LDLRAD3: variants seen among roughly 807,000 people sequenced by gnomAD.
LDLRAD3 encodes the protein low-density lipoprotein receptor class A domain-containing protein 3.
Under a neutral mutation model 29.4 loss-of-function variants are expected in LDLRAD3, and 20 were observed. The observed-to-expected ratio is 0.68, with a 90% CI of 0.48 to 0.99. The LOEUF is 0.99. Ranked by LOEUF, LDLRAD3 falls within the 50% of genes least tolerant of loss-of-function variation. The pLI, the probability that LDLRAD3 is intolerant of heterozygous loss-of-function variation, is 0.00. For missense variants in LDLRAD3, 420 were observed against 454.3 expected (o/e 0.92, Z 0.69); for synonymous variants, 157 against 192.7 (o/e 0.81, Z 1.53).
rs147182047 is a variant in LDLRAD3, at chr11:36,194,036, C to G, written c.455-33049C>G. Among the ~76,000 whole-genome samples, 691 of 152,278 alleles carry G rather than the reference C, an allele frequency of 4.5e-3. 16 individuals carry two copies. The highest frequency in any genetic ancestry group is 1.6e-3 in the Non-Finnish European group (106 of 68,030). ...CATGAGATTATTATTACATAAAGTT[C>G]TTAGTATCACATCTGGCATTTAGCT... is the stretch of plus-strand genomic sequence containing the variant. On this transcript the variant is annotated intron_variant, in intron 4 of 5. Coordinates refer to ENST00000315571, the MANE Select transcript of LDLRAD3 (RefSeq NM_174902.4).
At chr11:36,151,366 C>T (rs542870288) in intron 4 of LDLRAD3, among the ~76,000 whole-genome samples, 16 of 152,188 alleles carry the variant, frequency 1.1e-4, no homozygotes, top group African/African-American at 3.6e-4. Context: ...CCATTTACAT[C>T]GAATACAGAA....
At chr11:36,226,863 T>C (rs1165265758) in intron 4 of LDLRAD3, among the ~76,000 whole-genome samples, 1 of 152,242 alleles carries the variant, frequency 6.6e-6, no homozygotes, top group Non-Finnish European at 1.5e-5. Flanking sequence ...TATCAGTATT[T>C]ATTAACTTTT....
intron 1 of LDLRAD3, among the ~76,000 whole-genome samples, chr11:36,012,493 CTTCTTGTGCTT>C (rs1160736329): frequency 1.3e-5 from 2 of 151,782 alleles, no homozygotes; most frequent in South Asian, 2.1e-4. Context: ...CAGCATCACT[CTTCTTGTGCTT>C]TGGGGCCATT....
chr11:36,109,825 G>T (rs895821663), intron 4 of LDLRAD3: 1 of 151,426 alleles, frequency 6.6e-6, no homozygotes, highest in Non-Finnish European at 1.5e-5. Context: ...AGGGTGGTCA[G>T]TATTTACGCC....
chr11:35,969,172 C>A (rs1851381168), intron 1 of LDLRAD3, among the ~76,000 whole-genome samples: 1 of 152,178 alleles, frequency 6.6e-6, no homozygotes, highest in Non-Finnish European at 1.5e-5. Flanking sequence ...TCTGTCTTCT[C>A]GGTCGAGGTC....
At chr11:36,067,036 A>G (rs1243952807) in intron 2 of LDLRAD3, among the ~76,000 whole-genome samples, 4 of 151,942 alleles carry the variant, frequency 2.6e-5, no homozygotes, top group African/African-American at 9.7e-5. Context: ...ACCTGTTTCA[A>G]CTCTGAGCTT....
chr11:35,957,795 C>CAAAAAAAAA (rs1177748172), intron 1 of LDLRAD3, among the ~76,000 whole-genome samples: 2 of 79,246 alleles, frequency 2.5e-5, no homozygotes, highest in African/African-American at 4.4e-5. Context: ...GACCTTATCT[C>CAAAAAAAAA]AAAAAAAAAA....
intron 4 of LDLRAD3, among the ~76,000 whole-genome samples, chr11:36,120,483 G>A (rs1375101848): frequency 6.6e-6 from 1 of 152,048 alleles, no homozygotes. Flanking sequence ...TTTAAACCTT[G>A]TGAGATCTTA....
chr11:36,211,065 G>A (rs1257097901), intron 4 of LDLRAD3, among the ~76,000 whole-genome samples: 1 of 152,222 alleles, frequency 6.6e-6, no homozygotes, highest in African/African-American at 2.4e-5. Context: ...GTTCATTGTA[G>A]TATTGGTCTC....
chr11:36,202,558 A>G (rs1489689316), intron 4 of LDLRAD3, among the ~76,000 whole-genome samples: 1 of 152,216 alleles, frequency 6.6e-6, no homozygotes, highest in Non-Finnish European at 1.5e-5. Context: ...GATTTGAACC[A>G]CAGATCCTGA....
chr11:36,154,271 C>T (rs2133330705), intron 4 of LDLRAD3, among the ~76,000 whole-genome samples: 1 of 152,214 alleles, frequency 6.6e-6, no homozygotes, highest in Non-Finnish European at 1.5e-5. Context: ...AAGAATGTGC[C>T]CATGATACTA....
At chr11:36,054,448 A>G (rs1220441246) in intron 2 of LDLRAD3, among the ~76,000 whole-genome samples, 1 of 152,250 alleles carries the variant, frequency 6.6e-6, no homozygotes, top group African/African-American at 2.4e-5. Context: ...GCAAGGTAGA[A>G]GAGCAGCTCT....
intron 1 of LDLRAD3, among the ~76,000 whole-genome samples, chr11:36,031,605 C>T (rs1852236502): frequency 1.3e-5 from 2 of 152,202 alleles, no homozygotes; most frequent in Admixed American, 1.3e-4. Context: ...AACAGTGCCT[C>T]TCTGCCTTCA....
chr11:36,018,081 A>G (rs188716475), intron 1 of LDLRAD3, among the ~76,000 whole-genome samples: 4 of 152,298 alleles, frequency 2.6e-5, no homozygotes, highest in African/African-American at 9.6e-5. Context: ...TTTTTTCCTC[A>G]AAAGTTGATG....
At chr11:36,093,952 TG>T (rs1853321087) in intron 3 of LDLRAD3, among the ~76,000 whole-genome samples, 1 of 152,070 alleles carries the variant, frequency 6.6e-6, no homozygotes, top group Admixed American at 6.5e-5. Flanking sequence ...GGCGTGACAA[TG>T]TAGAAAACCA....
intron 4 of LDLRAD3, among the ~76,000 whole-genome samples, chr11:36,218,566 G>T (rs1344564344): frequency 1.3e-5 from 2 of 152,228 alleles, no homozygotes. Flanking sequence ...AGGTTAAGAG[G>T]CTGGAGAAAC....
chr11:36,223,755 T>TAA (rs34618596), intron 4 of LDLRAD3, among the ~76,000 whole-genome samples: 16 of 151,278 alleles, frequency 1.1e-4, no homozygotes, highest in South Asian at 4.2e-4. Context: ...GAATAAAAAA[T>TAA]AAAAAAAATA....
At chr11:36,055,510 A>G (rs947963112) in intron 2 of LDLRAD3, among the ~76,000 whole-genome samples, 1 of 152,150 alleles carries the variant, frequency 6.6e-6, no homozygotes, top group Admixed American at 6.5e-5. Flanking sequence ...TGGCTTCTCC[A>G]TTTAATTCCA....
chr11:36,018,260 GA>G (rs1322548263), intron 1 of LDLRAD3, among the ~76,000 whole-genome samples: 1 of 152,152 alleles, frequency 6.6e-6, no homozygotes, highest in African/African-American at 2.4e-5. Context: ...TCATAAATTT[GA>G]TGTTTGTTCT....
Sources: gnomAD v4.1 joint callset for allele counts (sites outside exome capture counted in the v4.1 genomes callset) on GRCh38, gnomAD v4.1.1 for gene constraint, MANE v1.5 for transcripts, NCBI Gene and HGNC (gene_info 2026-07-23, HGNC 2026-07-21) for gene names.